Variants in MBD5 observed in about 807,000 individuals in gnomAD.
MBD5 encodes the protein methyl-CpG binding domain protein 5, also known as methyl-CpG-binding domain protein 5.
In MBD5, 13 loss-of-function variants were observed where a neutral mutation model predicts 117.3. The observed-to-expected ratio is 0.11, with a 90% CI of 0.07 to 0.18. The LOEUF is 0.18. Ranked by LOEUF, MBD5 falls within the 10% of genes least tolerant of loss-of-function variation. The pLI is 1.00. For missense variants in MBD5, 1,879 were observed against 2,093.8 expected (o/e 0.90, Z 2.00); for synonymous variants, 727 against 766.4 (o/e 0.95, Z 0.85).
At chr2:148,446,092 C>G (rs896976538) in intron 4 of MBD5, among the ~76,000 whole-genome samples, 12 of 150,954 alleles carry the variant, frequency 7.9e-5, no homozygotes, top group Non-Finnish European at 1.2e-4. Context: ...TGCCTGTTCA[C>G]TCTGATGGTA....
At chr2:148,288,035 G>A (rs1028946174) in intron 3 of MBD5, among the ~76,000 whole-genome samples, 2 of 148,646 alleles carry the variant, frequency 1.3e-5, no homozygotes, top group Admixed American at 1.3e-4. Context: ...ATCAACTATG[G>A]CATTTTTAAG....
chr2:148,207,121 G>C (rs1236954039), intron 2 of MBD5, among the ~76,000 whole-genome samples: 1 of 152,212 alleles, frequency 6.6e-6, no homozygotes, highest in African/African-American at 2.4e-5. Context: ...TGAAGGATGT[G>C]CAGGAGGGGC....
intron 2 of MBD5, among the ~76,000 whole-genome samples, chr2:148,227,950 A>G (rs1280954918): frequency 6.6e-6 from 1 of 152,206 alleles, no homozygotes; most frequent in Non-Finnish European, 1.5e-5. Context: ...TGATTTTTGC[A>G]CATTGACTTT....
chr2:148,508,666 A>G (rs1370911098), intron 12 of MBD5, among the ~76,000 whole-genome samples: 2 of 152,230 alleles, frequency 1.3e-5, no homozygotes, highest in Non-Finnish European at 1.5e-5. Context: ...GCTAAAGACT[A>G]GCTTACAGGG....
intron 1 of MBD5, among the ~76,000 whole-genome samples, chr2:148,043,269 C>CAAAA (rs562084533): frequency 7.0e-6 from 1 of 142,868 alleles, no homozygotes; most frequent in African/African-American, 2.6e-5. Flanking sequence ...ACTAAAAATA[C>CAAAA]AAAAAAAAAA....
At chr2:148,464,294 C>G (rs914084971) in intron 7 of MBD5, among the ~76,000 whole-genome samples, 1 of 152,060 alleles carries the variant, frequency 6.6e-6, no homozygotes, top group African/African-American at 2.4e-5. Flanking sequence ...CAGTGTTATT[C>G]TTTTAGTTAT....
chr2:148,059,851 A>G (rs1694980002), intron 1 of MBD5, among the ~76,000 whole-genome samples: 1 of 151,862 alleles, frequency 6.6e-6, no homozygotes, highest in Non-Finnish European at 1.5e-5. Flanking sequence ...GTCTCAAAAA[A>G]AAAAAAAAGA....
intron 1 of MBD5, among the ~76,000 whole-genome samples, chr2:148,139,879 T>C (rs1697272192): frequency 6.6e-6 from 1 of 152,208 alleles, no homozygotes; most frequent in Non-Finnish European, 1.5e-5. Flanking sequence ...AAGCTGCTGC[T>C]CAATAGTAAT....
intron 1 of MBD5, chr2:148,027,155 G>C (rs888990158): frequency 6.6e-6 from 1 of 152,072 alleles, no homozygotes; most frequent in Non-Finnish European, 1.5e-5. Flanking sequence ...TTTGGTGTAT[G>C]TATACACATT....
intron 1 of MBD5, among the ~76,000 whole-genome samples, chr2:148,037,311 A>C (rs1694222395): frequency 6.6e-6 from 1 of 151,938 alleles, no homozygotes; most frequent in African/African-American, 2.4e-5. Flanking sequence ...CAAGTTCTAC[A>C]AAATGTTCTA....
At chr2:148,380,906 G>T (rs1047493122) in intron 4 of MBD5, among the ~76,000 whole-genome samples, 2 of 152,148 alleles carry the variant, frequency 1.3e-5, no homozygotes, top group Non-Finnish European at 2.9e-5. Flanking sequence ...TGCAGCTGAG[G>T]GTCCTGACTG....
intron 1 of MBD5, among the ~76,000 whole-genome samples, chr2:148,093,674 CATT>C (rs1392463184): frequency 6.6e-6 from 1 of 151,936 alleles, no homozygotes; most frequent in Non-Finnish European, 1.5e-5. Flanking sequence ...AATACATGCT[CATT>C]ATTATTCTTA....
Position 148,462,563 on chromosome 2 carries a change from T to C in MBD5, c.114-19T>C. 1 of 1,486,814 alleles carries C rather than the reference T, an allele frequency of 6.7e-7. No homozygotes were observed. The highest frequency in any genetic ancestry group is 9.4e-7 in the Non-Finnish European group (1 of 1,065,200). The allele number at this position is 1,486,814 out of a possible 1,614,324, so 92.1% of individuals were successfully genotyped here. ...TAGTCAAAATTATTTCCTGATGTTT[T>C]TTTAAACTATTTTTACAGTCCCAGT... On this transcript the variant is annotated intron_variant, in intron 5 of 13. Transcript: ENST00000642680.
chr2:148,390,189 T>C (rs530572546), intron 4 of MBD5, among the ~76,000 whole-genome samples: 2 of 152,248 alleles, frequency 1.3e-5, no homozygotes, highest in East Asian at 1.9e-4. Flanking sequence ...CCCTTCCCTG[T>C]TGCATATTTT....
chr2:148,052,941 G>A (rs1370698279), intron 1 of MBD5, among the ~76,000 whole-genome samples: 1 of 141,818 alleles, frequency 7.1e-6, no homozygotes, highest in African/African-American at 2.7e-5. Flanking sequence ...CAACCTGGGC[G>A]ACAGACCCAA....
chr2:148,276,476 T>C (rs563071814), intron 3 of MBD5, among the ~76,000 whole-genome samples: 1 of 152,226 alleles, frequency 6.6e-6, no homozygotes, highest in Admixed American at 6.5e-5. Context: ...ATCACTTATT[T>C]TGCTAAACCA....
At chr2:148,312,787 T>C (rs1437934416) in intron 3 of MBD5, among the ~76,000 whole-genome samples, 1 of 152,218 alleles carries the variant, frequency 6.6e-6, no homozygotes, top group Non-Finnish European at 1.5e-5. Context: ...TTCCTGGATT[T>C]ATCTACCTTT....
chr2:148,349,620 A>C (rs1419073247), intron 4 of MBD5, among the ~76,000 whole-genome samples: 1 of 152,044 alleles, frequency 6.6e-6, no homozygotes, highest in African/African-American at 2.4e-5. Context: ...AAATAAAAAT[A>C]CATAATTAGC....
Position 148,485,402 on chromosome 2 carries a change from T to C in MBD5, c.3545-340T>C, listed in dbSNP as rs1309995319. On this transcript the variant is annotated intron_variant, in intron 9 of 13. Transcript: ENST00000642680. Reference sequence around the variant, plus strand: ...AAACATTATAGGACTAATTTCAACCTTTAATTTTAGGTGCTCTAAAATAGA... The same window carrying C: ...AAACATTATAGGACTAATTTCAACCCTTAATTTTAGGTGCTCTAAAATAGA... 5 of 247,956 alleles carry C rather than the reference T, an allele frequency of 2.0e-5. No homozygotes were observed. In the East Asian group the frequency reaches 4.9e-4, roughly 25 times the overall value. The allele number at this position is 247,956 out of a possible 1,614,324, so 15.4% of individuals were successfully genotyped here. A position where few individuals can be genotyped will look rare whatever the true frequency, so the allele number is the denominator to read the frequency against.
Sources: gnomAD v4.1 joint callset for allele counts (sites outside exome capture counted in the v4.1 genomes callset) on GRCh38, gnomAD v4.1.1 for gene constraint, MANE v1.5 for transcripts, NCBI Gene and HGNC (gene_info 2026-07-23, HGNC 2026-07-21) for gene names.